The following OCA2 variants were observed in gnomAD, a reference collection of about 807,000 sequenced individuals.
OCA2 encodes OCA2 melanosomal transmembrane protein.
Under a neutral mutation model 100.2 loss-of-function variants are expected in OCA2, and 77 were observed. The ratio of observed to expected loss-of-function variants is 0.77; its 90% CI spans 0.64 to 0.93. OCA2 has a LOEUF of 0.93. Ranked by LOEUF, OCA2 falls within the 40% of genes least tolerant of loss-of-function variation. The probability of loss-of-function intolerance (pLI) is 0.00; values close to 1 mark genes in which losing one functional copy is unlikely to be tolerated. For missense variants in OCA2, 1,062 were observed against 1,089.1 expected (o/e 0.98, Z 0.35); for synonymous variants, 432 against 439.2 (o/e 0.98, Z 0.21).
the OCA2 span, among the ~76,000 whole-genome samples, chr15:27,728,571 C>G: frequency 1.3e-5 from 2 of 152,284 alleles, no homozygotes; most frequent in Admixed American, 6.5e-5. Flanking sequence ...GGATCACACA[C>G]GTACATCATG....
At chr15:28,091,553 C>T (rs1157444783) in intron 1 of OCA2, among the ~76,000 whole-genome samples, 1 of 152,162 alleles carries the variant, frequency 6.6e-6, no homozygotes, top group African/African-American at 2.4e-5. Context: ...TACCATATGA[C>T]CTAGCAATTC....
intron 9 of OCA2, among the ~76,000 whole-genome samples, chr15:28,003,040 G>T (rs969533637): frequency 6.6e-6 from 1 of 152,234 alleles, no homozygotes; most frequent in African/African-American, 2.4e-5. Flanking sequence ...TTTCAGTTCT[G>T]AAGTGATGAT....
chr15:27,851,292 C>T, intron 22 of OCA2, 90 bp downstream of exon 22: 9 of 1,074,692 alleles, frequency 8.4e-6, no homozygotes, highest in Non-Finnish European at 1.3e-5. Flanking sequence ...CCTTCATTTG[C>T]TTTTAATCTG....
chr15:27,747,630 CA>C, the OCA2 span, among the ~76,000 whole-genome samples: 2 of 152,162 alleles, frequency 1.3e-5, no homozygotes, highest in South Asian at 4.1e-4. Flanking sequence ...AAGAATTAAA[CA>C]GGGAGGTTAC....
intron 23 of OCA2, among the ~76,000 whole-genome samples, chr15:27,820,458 C>A (rs995994521): frequency 6.6e-6 from 1 of 152,180 alleles, no homozygotes; most frequent in African/African-American, 2.4e-5. Flanking sequence ...CTGGTCAAAT[C>A]GTGAGAAAAA....
At chr15:28,056,431 G>A (rs942702193) in intron 2 of OCA2, among the ~76,000 whole-genome samples, 1 of 152,214 alleles carries the variant, frequency 6.6e-6, no homozygotes, top group Non-Finnish European at 1.5e-5. Context: ...AAGACGGGCT[G>A]TCTGGGACTC....
At chr15:28,087,184 G>T (rs1335355439) in intron 1 of OCA2, among the ~76,000 whole-genome samples, 3 of 152,042 alleles carry the variant, frequency 2.0e-5, no homozygotes, top group Non-Finnish European at 2.9e-5. Flanking sequence ...CTTAAAGAGA[G>T]AAATTAAAAT....
At chr15:27,748,840 A>C in the OCA2 span, among the ~76,000 whole-genome samples, 2 of 152,246 alleles carry the variant, frequency 1.3e-5, no homozygotes, top group Non-Finnish European at 2.9e-5. Flanking sequence ...TGATAAAATA[A>C]AAATAAAATA....
intron 23 of OCA2, among the ~76,000 whole-genome samples, chr15:27,819,258 G>A (rs1008521051): frequency 6.6e-6 from 1 of 152,212 alleles, no homozygotes; most frequent in African/African-American, 2.4e-5. Flanking sequence ...AGCAGAAATA[G>A]AAGCAGAAGG....
intron 2 of OCA2, among the ~76,000 whole-genome samples, chr15:28,038,721 C>T (rs1006348605): frequency 1.3e-5 from 2 of 152,220 alleles, no homozygotes; most frequent in Admixed American, 6.5e-5. Context: ...ACTGTAAGCA[C>T]TCACCTCATG....
At chr15:27,870,234 G>T (rs2036491828) in intron 21 of OCA2, among the ~76,000 whole-genome samples, 1 of 152,226 alleles carries the variant, frequency 6.6e-6, no homozygotes, top group African/African-American at 2.4e-5. Flanking sequence ...TCCCTGCGGG[G>T]AAGGGGGAGA....
intron 21 of OCA2, among the ~76,000 whole-genome samples, chr15:27,857,269 C>T (rs2035979577): frequency 6.6e-6 from 1 of 152,098 alleles, no homozygotes; most frequent in African/African-American, 2.4e-5. Flanking sequence ...TACAAGAGTT[C>T]AACAGTGGAA....
At chr15:28,000,960 C>T (rs937706905) in intron 9 of OCA2, among the ~76,000 whole-genome samples, 1 of 152,068 alleles carries the variant, frequency 6.6e-6, no homozygotes, top group Non-Finnish European at 1.5e-5. Flanking sequence ...CAGGAGATAA[C>T]AAATGTTGGG....
chr15:27,771,488 G>A (rs888715891), intron 23 of OCA2, among the ~76,000 whole-genome samples: 1 of 152,230 alleles, frequency 6.6e-6, no homozygotes, highest in Non-Finnish European at 1.5e-5. Flanking sequence ...CCAGCTGGGG[G>A]GTGCTCCGTG....
intron 18 of OCA2, 123 bp from the exon 19 acceptor site, chr15:27,926,377 G>T: frequency 9.9e-7 from 1 of 1,007,672 alleles, no homozygotes; most frequent in Non-Finnish European, 1.5e-6. Context: ...CCGCATATAT[G>T]TAAAATGCAT....
intron 18 of OCA2, among the ~76,000 whole-genome samples, chr15:27,929,685 A>C (rs1595667107): frequency 6.6e-6 from 1 of 152,142 alleles, no homozygotes; most frequent in East Asian, 1.9e-4. Flanking sequence ...GGCACTGTTA[A>C]GTTAAAGTAG....
chr15:27,799,916 A>G (rs1304036040), intron 23 of OCA2, among the ~76,000 whole-genome samples: 11 of 152,140 alleles, frequency 7.2e-5, no homozygotes, highest in Admixed American at 7.2e-4. Flanking sequence ...GATGAAGAGG[A>G]GAATTATAGG....
chr15:27,819,496 G>A (rs2034425364), intron 23 of OCA2, among the ~76,000 whole-genome samples: 1 of 152,170 alleles, frequency 6.6e-6, no homozygotes, highest in Non-Finnish European at 1.5e-5. Context: ...CCACGAGAAT[G>A]CCAATTAAGA....
intron 7 of OCA2, among the ~76,000 whole-genome samples, chr15:28,017,969 T>C (rs981654171): frequency 4.6e-5 from 7 of 152,006 alleles, no homozygotes; most frequent in African/African-American, 1.7e-4. Flanking sequence ...AGCACAGGCC[T>C]ACACAGATAC....
Sources: gnomAD v4.1 joint callset for allele counts (sites outside exome capture counted in the v4.1 genomes callset) on GRCh38, gnomAD v4.1.1 for gene constraint, MANE v1.5 for transcripts, NCBI Gene and HGNC (gene_info 2026-07-23, HGNC 2026-07-21) for gene names.